Variants in PIEZO2 observed in about 807,000 individuals in gnomAD.
PIEZO2 encodes piezo-type mechanosensitive ion channel component 2.
In PIEZO2, 172 loss-of-function variants were observed where a neutral mutation model predicts 337.3. That is an observed-to-expected ratio of 0.51 (90% CI 0.45 to 0.58). The LOEUF (loss-of-function observed/expected upper bound fraction) is 0.58. Among genes scored for constraint, PIEZO2 ranks in the 20% least tolerant of loss-of-function variants. The pLI, the probability that PIEZO2 is intolerant of heterozygous loss-of-function variation, is 0.00. For synonymous variants in PIEZO2, 1,251 were observed against 1,228.5 expected (o/e 1.02, Z -0.38); for missense variants, 3,028 against 3,391.3 (o/e 0.89, Z 2.66).
At chr18:11,133,395 G>A (rs1400015012) in intron 1 of PIEZO2, among the ~76,000 whole-genome samples, 2 of 152,082 alleles carry the variant, frequency 1.3e-5, no homozygotes, top group African/African-American at 4.8e-5. Context: ...GTTGACAAGG[G>A]GTAGACTTGT....
At chr18:10,931,276 T>G (rs79812886) in intron 3 of PIEZO2, among the ~76,000 whole-genome samples, 1 of 152,202 alleles carries the variant, frequency 6.6e-6, no homozygotes, top group Admixed American at 6.5e-5. Flanking sequence ...CTCTGCCCAC[T>G]GTAAGCTCCG....
chr18:11,058,034 C>T (rs943123493), intron 2 of PIEZO2, among the ~76,000 whole-genome samples: 1 of 152,186 alleles, frequency 6.6e-6, no homozygotes, highest in African/African-American at 2.4e-5. Context: ...GTCTACAGAA[C>T]AGTGGAGAGA....
In PIEZO2 at chr18:10,929,835, T is replaced by G. The variant is rs2031971440; in HGVS notation, c.287-18607A>C. ...GGTGCTGTAAACAAAAATAAAATTC[T>G]AAGGCCCCCAAGAGACTGAATGGAC... On this transcript the variant is annotated intron_variant, in intron 3 of 55. Transcript: ENST00000674853. The surrounding 1 kb of genome is among the most constrained non-coding windows in gnomAD (Gnocchi z 5.6). 6.6e-6 allele frequency among the ~76,000 whole-genome samples: 1 copy of G among 152,142 alleles called. No individual in the cohort carries two copies. The highest frequency in any genetic ancestry group is 6.5e-5 in the Admixed American group (1 of 15,268).
Position 11,116,649 on chromosome 18 carries a change from T to G in PIEZO2, c.64+31876A>C, listed in dbSNP as rs1052926841. On this transcript the variant is annotated intron_variant, in intron 1 of 55. Coordinates refer to ENST00000674853, the MANE Select transcript of PIEZO2 (RefSeq NM_001378183.1). This position sits in a 1 kb window ranked among gnomAD's most constrained non-coding sequence, Gnocchi z 5.0. ...GAGAATGGCGTGAACCCGGGAGGCG[T>G]AGCTTGCAGTGAGCCGAGATCCGCC... Among the ~76,000 whole-genome samples, 45 of 150,310 alleles carry G rather than the reference T, an allele frequency of 3.0e-4. No homozygotes were observed. The highest frequency in any genetic ancestry group is 1.5e-3 in the Admixed American group (23 of 15,086).
Position 11,105,006 on chromosome 18 carries a change from T to C in PIEZO2, c.65-38784A>G, listed in dbSNP as rs975233074. Among the ~76,000 whole-genome samples the C allele has an allele frequency of 6.6e-6, 1 of 152,172 alleles. No individual in the cohort carries two copies. Among genetic ancestry groups the C allele is most frequent in the African/African-American group, 2.4e-5 (1 of 41,430 alleles). On this transcript the variant is annotated intron_variant, in intron 1 of 55. Transcript: ENST00000674853. The surrounding 1 kb of genome is among the most constrained non-coding windows in gnomAD (Gnocchi z 4.3). Reference sequence around the variant, plus strand: ...TAATGGAAAAGAGATACTTTTGTCATGGGAATCACTAGCTCGAAGTCTGTT... The same window carrying C: ...TAATGGAAAAGAGATACTTTTGTCACGGGAATCACTAGCTCGAAGTCTGTT...
rs913167628 is a variant in PIEZO2, at chr18:11,125,564, C to T, written c.64+22961G>A. Among the ~76,000 whole-genome samples, 1 of 152,188 alleles carries T rather than the reference C, an allele frequency of 6.6e-6. No homozygotes were observed. Among genetic ancestry groups the T allele is most frequent in the African/African-American group, 2.4e-5 (1 of 41,438 alleles). The stretch of plus-strand genomic sequence containing the variant: ...CAATACATCTGCGGAAACCAAGACA[C>T]ACTCCATTCCAAATAAAGATTACCC... On this transcript the variant is annotated intron_variant, in intron 1 of 55. Transcript: ENST00000674853. The surrounding 1 kb of genome is among the most constrained non-coding windows in gnomAD (Gnocchi z 4.4).
rs1029709695 is a variant in PIEZO2 at position 11,092,404 on chromosome 18, A to G, written c.65-26182T>C. ...ATTCAATTTTATTAAGATATGTGAAATGATATCTCATATTTGTTTGAAAAA... is the reference window on the plus strand; with the variant it reads ...ATTCAATTTTATTAAGATATGTGAAGTGATATCTCATATTTGTTTGAAAAA... On this transcript the variant is annotated intron_variant, in intron 1 of 55. Coordinates refer to ENST00000674853, the MANE Select transcript of PIEZO2 (RefSeq NM_001378183.1). The surrounding 1 kb of genome is among the most constrained non-coding windows in gnomAD (Gnocchi z 4.5). Among the ~76,000 whole-genome samples the G allele has an allele frequency of 1.3e-5, 2 of 152,242 alleles. No individual in the cohort carries two copies. The highest frequency in any genetic ancestry group is 2.9e-5 in the Non-Finnish European group (2 of 68,044).
chr18:10,815,132 G>A lies in PIEZO2; in HGVS notation c.918-7858C>T, dbSNP rs2040324076. On this transcript the variant is annotated intron_variant, in intron 7 of 55. Transcript: ENST00000674853. This position sits in a 1 kb window ranked among gnomAD's most constrained non-coding sequence, Gnocchi z 4.1. Reference sequence around the variant, plus strand: ...TACCGACCCTTTCCCCACTCTAATGGCATAAATCTAATGGCAACAAAACAT... The same window carrying A: ...TACCGACCCTTTCCCCACTCTAATGACATAAATCTAATGGCAACAAAACAT... 6.6e-6 allele frequency among the ~76,000 whole-genome samples: 1 copy of A among 151,976 alleles called. No homozygotes were observed. The highest frequency in any genetic ancestry group is 2.4e-5 in the African/African-American group (1 of 41,362).
intron 2 of PIEZO2, among the ~76,000 whole-genome samples, chr18:10,987,806 T>G (rs1484417312): frequency 6.6e-6 from 1 of 151,920 alleles, no homozygotes; most frequent in Non-Finnish European, 1.5e-5. Context: ...TGATAAGAGG[T>G]TAATATACAA....
chr18:10,696,638 C>G (rs1366252698), intron 45 of PIEZO2, 99 bp from the exon 46 acceptor site: 1 of 1,382,890 alleles, frequency 7.2e-7, no homozygotes, highest in Non-Finnish European at 1.0e-6. Context: ...CTCTGCATTC[C>G]TCTTTCCAGT....
rs1354727607 is a variant in PIEZO2 at position 10,847,402 on chromosome 18, G to A, written c.917+7951C>T. On this transcript the variant is annotated intron_variant, in intron 7 of 55. Coordinates refer to ENST00000674853, the MANE Select transcript of PIEZO2 (RefSeq NM_001378183.1). This position sits in a 1 kb window ranked among gnomAD's most constrained non-coding sequence, Gnocchi z 5.7. ...TTGGTGGGCAAAAGGAGAGAAATCT[G>A]GCCCAGAACACTTAATCCAGGCTGA... 5.9e-5 allele frequency among the ~76,000 whole-genome samples: 9 copies of A among 152,208 alleles called. No individual in the cohort carries two copies. Among genetic ancestry groups the A allele is most frequent in the Admixed American group, 5.2e-4 (8 of 15,284 alleles).
chr18:11,066,139 T>G lies in PIEZO2; in HGVS notation c.148A>C (p.Thr50Pro), dbSNP rs1486194607. The G allele has an allele frequency of 6.5e-7, 1 of 1,534,208 alleles. No individual in the cohort carries two copies. The highest frequency in any genetic ancestry group is 2.0e-5 in the Admixed American group (1 of 50,998). ...LIPLFSEPTKTTMQGHTGRLL... is the reference protein window; with the variant it reads ...LIPLFSEPTKPTMQGHTGRLL... The stretch of plus-strand genomic sequence containing the variant: ...AAAATTCTCTTACCTTGCATCGTCG[T>G]TTTTGTTGGTTCTGAGAACAGAGGA... Residue 50 changes from threonine (T) to proline (P), a missense_variant, in exon 2 of 56, where the codon ACG becomes CCG. Coordinates refer to ENST00000674853, the MANE Select transcript of PIEZO2 (RefSeq NM_001378183.1).
chr18:10,981,049 C>T (rs78302936), intron 2 of PIEZO2, among the ~76,000 whole-genome samples: 38 of 152,248 alleles, frequency 2.5e-4, no homozygotes, highest in African/African-American at 7.5e-4. Context: ...TTCCTGACAG[C>T]CTGCACTACT....
At chr18:10,948,646 C>CAAAT (rs1418690858) in intron 3 of PIEZO2, among the ~76,000 whole-genome samples, 2 of 152,084 alleles carry the variant, frequency 1.3e-5, no homozygotes, top group African/African-American at 2.4e-5. Flanking sequence ...GTACTGTGTG[C>CAAAT]AAATTTAAGC....
At chr18:11,015,978 T>C (rs1305131809) in intron 2 of PIEZO2, among the ~76,000 whole-genome samples, 1 of 152,176 alleles carries the variant, frequency 6.6e-6, no homozygotes. Context: ...CAACTGCACG[T>C]TAGTGAGAAA....
chr18:10,701,844 TTAAAA>T, intron 43 of PIEZO2, 140 bp downstream of exon 43: 3 of 555,228 alleles, frequency 5.4e-6, no homozygotes, highest in South Asian at 6.9e-5. Flanking sequence ...CTTTTTTTTT[TTAAAA>T]AAAACATATG....
In PIEZO2 at chr18:11,147,934, T is replaced by A. The variant is rs553849936; in HGVS notation, c.64+591A>T. Among the ~76,000 whole-genome samples, 165 of 152,372 alleles carry A rather than the reference T, an allele frequency of 1.1e-3. 2 individuals carry two copies. Among genetic ancestry groups the A allele is most frequent in the East Asian group, 1.5e-3 (8 of 5,188 alleles). ...ACTAGGTGTTGGGGGTCTATAGCCTTAGCATCCAGTACTTTTGTAGTAGGG... is the reference window on the plus strand; with the variant it reads ...ACTAGGTGTTGGGGGTCTATAGCCTAAGCATCCAGTACTTTTGTAGTAGGG... On this transcript the variant is annotated intron_variant, in intron 1 of 55. Coordinates refer to ENST00000674853, the MANE Select transcript of PIEZO2 (RefSeq NM_001378183.1).
intron 21 of PIEZO2, 67 bp from the exon 22 acceptor site, chr18:10,763,165 A>C (rs1029442448): frequency 6.9e-7 from 1 of 1,454,854 alleles, no homozygotes; most frequent in African/African-American, 1.4e-5. Context: ...GGACAGCCAC[A>C]AAACAGGATG....
At chr18:11,144,279 T>G (rs1034391023) in intron 1 of PIEZO2, among the ~76,000 whole-genome samples, 1 of 152,220 alleles carries the variant, frequency 6.6e-6, no homozygotes, top group Admixed American at 6.5e-5. Flanking sequence ...AAATTTCCAA[T>G]CCTTTCCACT....
Sources: allele counts gnomAD v4.1 joint callset (sites outside exome capture counted in the v4.1 genomes callset), GRCh38; gene constraint gnomAD v4.1.1; non-coding constraint Gnocchi (gnomAD v3.1); transcripts MANE v1.5; gene names NCBI Gene and HGNC (gene_info 2026-07-23, HGNC 2026-07-21).